Variants in NUP58 observed in about 807,000 individuals in gnomAD.
NUP58 encodes nucleoporin 58.
NUP58 carries 17 observed loss-of-function variants against 70.1 expected under a neutral mutation model. The ratio of observed to expected loss-of-function variants is 0.24; its 90% confidence interval spans 0.17 to 0.36. The LOEUF is 0.36. Ranked by LOEUF, NUP58 falls within the 10% of genes least tolerant of loss-of-function variation. The pLI, the probability that NUP58 is intolerant of heterozygous loss-of-function variation, is 1.00. For synonymous variants in NUP58, 275 were observed against 257.6 expected (o/e 1.07, Z -0.65); for missense variants, 644 against 701.5 (o/e 0.92, Z 0.93).
chr13:25,316,731 T>C (rs1388927205), intron 6 of NUP58, among the ~76,000 whole-genome samples: 1 of 152,166 alleles, frequency 6.6e-6, no homozygotes, highest in Non-Finnish European at 1.5e-5. Flanking sequence ...TACTTCTCTA[T>C]TATAATTGTT....
chr13:25,305,130 GTTTT>G (rs562132125), intron 1 of NUP58, among the ~76,000 whole-genome samples: 17 of 58,560 alleles, frequency 2.9e-4, no homozygotes, highest in African/African-American at 8.2e-4. Flanking sequence ...GATCTGTGGG[GTTTT>G]TTTTTTTTTT....
intron 13 of NUP58, chr13:25,335,466 G>T (rs2031747893): frequency 1.0e-6 from 1 of 984,864 alleles, no homozygotes; most frequent in African/African-American, 1.7e-5. Context: ...TTTTTGTTAG[G>T]AATCAGAAAG....
chr13:25,332,603 T>G, intron 13 of NUP58: 3 of 985,454 alleles, frequency 3.0e-6, no homozygotes, highest in Non-Finnish European at 3.6e-6. Flanking sequence ...TCTCTGGTTT[T>G]CACTATTGGC....
rs1281538880 is a variant in NUP58 at position 25,321,066 on chromosome 13, T to G, written c.924T>G (p.Ile308Met). The change falls in exon 9 of 16, where the codon ATT (isoleucine) becomes ATG (methionine). Residue 308 changes from isoleucine to methionine, a missense_variant. Ile to Met is a conservative substitution (Grantham distance 10). Transcript: ENST00000381736. ...GAATACAGAGAAACACTCTCAACAT[T>G]GACAAATTGAAAATAGAAACTGCTC... ...ANGIQRNTLN[I>M]DKLKIETAQE... 1.9e-6 allele frequency: 3 copies of G among 1,588,210 alleles called. No individual in the cohort carries two copies. The South Asian group carries it at 3.5e-5, about 19-fold the overall frequency.
At chr13:25,311,028 G>A (rs115640351) in intron 3 of NUP58, among the ~76,000 whole-genome samples, 2 of 152,122 alleles carry the variant, frequency 1.3e-5, no homozygotes, top group African/African-American at 2.4e-5. Context: ...TGTATAATCC[G>A]ATAAATGTCC....
Position 25,340,078 on chromosome 13 carries a change from G to C in NUP58, c.1744G>C (p.Gly582Arg). The change falls in exon 16 of 16, where the codon GGA (glycine) becomes CGA (arginine). Residue 582 changes from glycine to arginine, a missense_variant. Physicochemically the swap from Gly to Arg is moderately radical, Grantham distance 125. Coordinates refer to ENST00000381736, the MANE Select transcript of NUP58 (RefSeq NM_014089.4). Reference sequence around the variant, plus strand: ...TGCCTCTGCAGGTTTTGGAACAGGAGGACAACTCCTTCAGTTGAAGAAACC... The same window carrying C: ...TGCCTCTGCAGGTTTTGGAACAGGACGACAACTCCTTCAGTTGAAGAAACC... The part of the protein sequence containing the change: ...NPASAGFGTG[G>R]QLLQLKKPPA... The C allele has an allele frequency of 6.2e-7, 1 of 1,613,580 alleles. No homozygotes were observed. Among genetic ancestry groups the C allele is most frequent in the East Asian group, 2.2e-5 (1 of 44,826 alleles).
At chr13:25,327,967 G>A (rs964727048) in intron 12 of NUP58, among the ~76,000 whole-genome samples, 3 of 152,088 alleles carry the variant, frequency 2.0e-5, no homozygotes, top group Non-Finnish European at 4.4e-5. Context: ...TTGGGAGGCC[G>A]AGGCGGGCGA....
chr13:25,333,049 A>T (rs1362455642), intron 13 of NUP58: 1 of 984,794 alleles, frequency 1.0e-6, no homozygotes. Flanking sequence ...TGTCAGTTAT[A>T]TAAAAAGTTA....
rs1268716119 is a variant in NUP58, at chr13:25,339,977, C to T, written c.1643C>T (p.Ser548Leu). ...SGSLSAGFGS[S>L]STSGFNFSNP... ...CCCTAAACATAAGGCTTTGGCAGCT[C>T]AAGTACATCTGGGTTTAACTTCAGC... Residue 548 changes from serine to leucine, a missense_variant, in exon 16 of 16, where the codon TCA (serine) becomes TTA (leucine). Physicochemically the swap from Ser to Leu is moderately radical, Grantham distance 145. This residue lies in a region of NUP58 where 132 missense variants were observed against 203.9 expected (regional missense o/e 0.65). Transcript: ENST00000381736. The T allele has an allele frequency of 1.9e-5, 30 of 1,601,934 alleles. No homozygotes were observed. Among genetic ancestry groups the T allele is most frequent in the Non-Finnish European group, 2.5e-5 (29 of 1,175,886 alleles).
chr13:25,301,694 C>T lies in NUP58; in HGVS notation c.-80C>T. 1 of 736,688 alleles carries T rather than the reference C, an allele frequency of 1.4e-6. No individual in the cohort carries two copies. Among genetic ancestry groups the T allele is most frequent in the South Asian group, 2.5e-5 (1 of 39,682 alleles). 45.6% of individuals were successfully genotyped at this position (736,688 alleles called of 1,614,324 possible). A position where few individuals can be genotyped will look rare whatever the true frequency, so the allele number is the denominator to read the frequency against. On this transcript the variant is annotated 5_prime_UTR_variant, in exon 1 of 16. Transcript: ENST00000381736. Reference sequence around the variant, plus strand: ...CCGTGCCGGGCGAGAGAGATGCTGCCCGGCCCGCCTCGGCTTTGAGGCGAG... The same window carrying T: ...CCGTGCCGGGCGAGAGAGATGCTGCTCGGCCCGCCTCGGCTTTGAGGCGAG...
At chr13:25,303,806 T>G (rs1271957970) in intron 1 of NUP58, among the ~76,000 whole-genome samples, 2 of 152,232 alleles carry the variant, frequency 1.3e-5, no homozygotes. Flanking sequence ...ATTTCCCACC[T>G]CATTGTCAGT....
rs139769948 is a variant in NUP58, at chr13:25,322,936, T to A, written c.951+1843T>A. On this transcript the variant is annotated intron_variant, in intron 9 of 15. Coordinates refer to ENST00000381736, the MANE Select transcript of NUP58 (RefSeq NM_014089.4). ...GAAATATTTGAAATTATATATAAGT[T>A]ATTTAGAAAACATAATTAGAGCAAA... 5.4e-3 allele frequency among the ~76,000 whole-genome samples: 815 copies of A among 152,296 alleles called. 31 individuals are homozygous for A. The East Asian group carries it at 0.093, about 17-fold the overall frequency.
chr13:25,311,633 C>G (rs2030670950), intron 3 of NUP58, among the ~76,000 whole-genome samples: 1 of 151,314 alleles, frequency 6.6e-6, no homozygotes, highest in Non-Finnish European at 1.5e-5. Context: ...CTTTGGCTTC[C>G]CAAAGTGCTG....
chr13:25,331,211 A>C (rs1324025223), intron 12 of NUP58, 146 bp from the exon 13 acceptor site: 2 of 702,620 alleles, frequency 2.8e-6, no homozygotes, highest in African/African-American at 1.8e-5. Flanking sequence ...CCTACACCAA[A>C]GTGCATTATT....
intron 1 of NUP58, among the ~76,000 whole-genome samples, chr13:25,305,163 A>G (rs1176906142): frequency 9.9e-5 from 1 of 10,082 alleles, no homozygotes; most frequent in Admixed American, 1.0e-3. Flanking sequence ...TTTTTTTTTG[A>G]GACAGGGCCT....
intron 1 of NUP58, among the ~76,000 whole-genome samples, chr13:25,303,601 C>CAG (rs893491140): frequency 5.8e-4 from 89 of 152,258 alleles, no homozygotes; most frequent in African/African-American, 2.1e-3. Context: ...GTCTCTTCCC[C>CAG]AGAGAGGCCT....
At chr13:25,324,938 A>G (rs2031334148) in intron 9 of NUP58, 51 bp from the exon 10 acceptor site, 2 of 1,249,780 alleles carry the variant, frequency 1.6e-6, no homozygotes, top group South Asian at 1.3e-5. Context: ...TATTTTTAAC[A>G]TAACTCTTAA....
chr13:25,327,097 A>G, intron 11 of NUP58, 63 bp downstream of exon 11: 1 of 932,744 alleles, frequency 1.1e-6, no homozygotes, highest in South Asian at 1.7e-5. Context: ...ATGTGGTTAT[A>G]TAATAGGTAT....
In NUP58 at chr13:25,301,801, G is replaced by A; in HGVS notation, c.28G>A (p.Gly10Arg). Residue 10 changes from glycine (G) to arginine (R), a missense_variant, in exon 1 of 16, where the codon GGG becomes AGG. By Grantham distance (125) the Gly-to-Arg change is moderately radical (BLOSUM62 -2). Transcript: ENST00000381736. MSTGFSFGS[G>R]TLGSTTVAAG... is the part of the protein sequence containing the mutation. ...GTCCACAGGGTTCTCCTTCGGGTCC[G>A]GGACTCTGGGCTCCACCACCGTGGC... 1.2e-6 allele frequency: 2 copies of A among 1,613,440 alleles called. No homozygotes were observed. Among genetic ancestry groups the A allele is most frequent in the Non-Finnish European group, 1.7e-6 (2 of 1,179,786 alleles).
Sources: gnomAD v4.1 joint callset for allele counts (sites outside exome capture counted in the v4.1 genomes callset) on GRCh38, gnomAD v4.1.1 for gene constraint, gnomAD v4.1.1 regional missense constraint, MANE v1.5 for transcripts, NCBI Gene and HGNC (gene_info 2026-07-23, HGNC 2026-07-21) for gene names.